Variants in PLXNA2 observed in about 807,000 individuals in gnomAD.
The protein encoded by PLXNA2 is plexin A2, also known as plexin-A2.
A neutral mutation model predicts 193.5 loss-of-function variants in PLXNA2; 91 were observed. The observed-to-expected ratio is 0.47, with a 90% CI of 0.40 to 0.56. The LOEUF (loss-of-function observed/expected upper bound fraction) is 0.56. PLXNA2 is among the 20% of genes least tolerant of loss of function. PLXNA2 has a pLI of 0.00. For synonymous variants in PLXNA2, 997 were observed against 1,027.3 expected (o/e 0.97, Z 0.56); for missense variants, 1,995 against 2,503.2 (o/e 0.80, Z 4.33).
chr1:208,075,235 C>T (rs1007470233), intron 12 of PLXNA2, among the ~76,000 whole-genome samples: 3 of 151,780 alleles, frequency 2.0e-5, no homozygotes, highest in Non-Finnish European at 2.9e-5. Flanking sequence ...CCCTTGAACC[C>T]GGAGGCGGGG....
chr1:208,099,665 G>C (rs915564351), intron 5 of PLXNA2, among the ~76,000 whole-genome samples: 3 of 152,018 alleles, frequency 2.0e-5, no homozygotes, highest in Admixed American at 2.0e-4. Context: ...CCACCTCCCG[G>C]GTTCAGGCAA....
chr1:208,118,466 C>T (rs1667705981), intron 4 of PLXNA2, among the ~76,000 whole-genome samples: 1 of 152,250 alleles, frequency 6.6e-6, no homozygotes, highest in South Asian at 2.1e-4. Flanking sequence ...GAAGATAAGG[C>T]TGCAGTCAGG....
At chr1:208,051,194 C>T in intron 16 of PLXNA2, 62 bp downstream of exon 16, 1 of 1,595,266 alleles carries the variant, frequency 6.3e-7, no homozygotes, top group South Asian at 1.1e-5. Flanking sequence ...ATGAGCCAGA[C>T]TTGGGCTGCA....
At position 208,033,487 on chromosome 1, in the gene PLXNA2, G is replaced by T. The variant is rs1336183954; in HGVS notation, c.4887C>A (p.Gly1629=). 2 of 1,611,742 alleles carry T rather than the reference G, an allele frequency of 1.2e-6. No individual in the cohort carries two copies. Among genetic ancestry groups the T allele is most frequent in the Non-Finnish European group, 1.7e-6 (2 of 1,178,626 alleles). Residue 1629 remains glycine, a synonymous_variant, in exon 28 of 32, where the codon GGC becomes GGA. Coordinates refer to ENST00000367033, the MANE Select transcript of PLXNA2 (RefSeq NM_025179.4). ...CCCGGGACCGCAGGCTGTCGGGGCT[G>T]CCCGTATACCTGAAGGAGGAGTCTG... ...SRYDSSFRYT[G]SPDSLRSRAP...
At chr1:208,081,451 G>A (rs1023201616) in intron 11 of PLXNA2, among the ~76,000 whole-genome samples, 1 of 152,202 alleles carries the variant, frequency 6.6e-6, no homozygotes, top group African/African-American at 2.4e-5. Context: ...TTGTGGCTGA[G>A]GGTAGGAGGA....
At chr1:208,178,288 C>T (rs547498884) in intron 3 of PLXNA2, among the ~76,000 whole-genome samples, 1 of 152,254 alleles carries the variant, frequency 6.6e-6, no homozygotes, top group East Asian at 1.9e-4. Context: ...CAGCCAGGTG[C>T]CTGTTCCCTA....
intron 12 of PLXNA2, among the ~76,000 whole-genome samples, chr1:208,064,900 G>GA (rs1290285609): frequency 6.6e-6 from 1 of 151,414 alleles, no homozygotes; most frequent in African/African-American, 2.4e-5. Flanking sequence ...AACACACACA[G>GA]AGACTGTGTC....
chr1:208,085,869 A>G (rs542007764), intron 9 of PLXNA2, among the ~76,000 whole-genome samples: 1 of 152,310 alleles, frequency 6.6e-6, no homozygotes, highest in East Asian at 1.9e-4. Flanking sequence ...TTTTCCGTCT[A>G]TTAGAAACAC....
rs140060253 is a variant in PLXNA2, at chr1:208,104,480, G to A, written c.1507-1233C>T. 1.2e-4 allele frequency among the ~76,000 whole-genome samples: 18 copies of A among 152,308 alleles called. No homozygotes were observed. In the East Asian group the frequency reaches 1.7e-3, roughly 15 times the overall value. On this transcript the variant is annotated intron_variant, in intron 4 of 31. Coordinates refer to ENST00000367033, the MANE Select transcript of PLXNA2 (RefSeq NM_025179.4). The stretch of plus-strand genomic sequence containing the variant: ...CTACATTGTGCTGAGTTTTTGTTGT[G>A]TGGGATTGCTGTGAGTGCTGAAGGT...
At chr1:208,211,082 C>A (rs1448814062) in intron 2 of PLXNA2, among the ~76,000 whole-genome samples, 1 of 152,174 alleles carries the variant, frequency 6.6e-6, no homozygotes, top group Non-Finnish European at 1.5e-5. Context: ...TCGAACAGTA[C>A]CTTATACTTT....
At chr1:208,186,708 A>ATTT (rs368056918) in intron 3 of PLXNA2, among the ~76,000 whole-genome samples, 6 of 111,694 alleles carry the variant, frequency 5.4e-5, no homozygotes, top group Admixed American at 2.0e-4. Context: ...TTGCAATGTT[A>ATTT]TTTTATTTTT....
At position 208,052,229 on chromosome 1, in the gene PLXNA2, G is replaced by T. The variant is rs953761916; in HGVS notation, c.2993+98C>A. On this transcript the variant is annotated intron_variant, in intron 15 of 31. Coordinates refer to ENST00000367033, the MANE Select transcript of PLXNA2 (RefSeq NM_025179.4). Reference sequence around the variant, plus strand: ...TCTAGGTGTAGCAAATAACATGGAGGTGATGGGGCAGGCCTATGAATGAAC... The same window carrying T: ...TCTAGGTGTAGCAAATAACATGGAGTTGATGGGGCAGGCCTATGAATGAAC... 9 of 1,220,588 alleles carry T rather than the reference G, an allele frequency of 7.4e-6. No individual in the cohort carries two copies. The South Asian group carries it at 9.6e-5, about 13-fold the overall frequency. The allele number at this position is 1,220,588 out of a possible 1,614,324, so 75.6% of individuals were successfully genotyped here.
At chr1:208,203,980 C>T (rs1192991291) in intron 3 of PLXNA2, among the ~76,000 whole-genome samples, 1 of 152,178 alleles carries the variant, frequency 6.6e-6, no homozygotes, top group African/African-American at 2.4e-5. Context: ...GTTTTCCTGG[C>T]TTTGCTTAGT....
At chr1:208,100,473 T>C (rs542985089) in intron 5 of PLXNA2, among the ~76,000 whole-genome samples, 3 of 152,130 alleles carry the variant, frequency 2.0e-5, no homozygotes, top group African/African-American at 7.2e-5. Flanking sequence ...ATGACAGTGT[T>C]AGCCCTTATA....
At chr1:208,144,438 G>C (rs560531163) in intron 3 of PLXNA2, among the ~76,000 whole-genome samples, 2 of 152,168 alleles carry the variant, frequency 1.3e-5, no homozygotes, top group African/African-American at 4.8e-5. Context: ...GGATGGACTC[G>C]ATGTACATGG....
chr1:208,088,151 A>T (rs1203559807), intron 9 of PLXNA2, among the ~76,000 whole-genome samples: 1 of 152,166 alleles, frequency 6.6e-6, no homozygotes, highest in Non-Finnish European at 1.5e-5. Context: ...CAGCAATCTT[A>T]GTTTAAACCA....
Position 208,052,394 on chromosome 1 carries a change from C to T in PLXNA2, c.2926G>A (p.Gly976Ser), listed in dbSNP as rs764102147. 5 of 1,613,860 alleles carry T rather than the reference C, an allele frequency of 3.1e-6. No individual in the cohort carries two copies. Among genetic ancestry groups the T allele is most frequent in the Admixed American group, 1.7e-5 (1 of 60,006 alleles). The change falls in exon 15 of 32, where the codon GGC becomes AGC. Residue 976 changes from glycine to serine, a missense_variant. Coordinates refer to ENST00000367033, the MANE Select transcript of PLXNA2 (RefSeq NM_025179.4). ...ESGGTMVTIT[G>S]HYLGAGSSVA... ...CTGCTCCCAGCCCCAAGGTAATGGC[C>T]GGTAATGGTCACCATAGTGCCTCCT...
intron 11 of PLXNA2, among the ~76,000 whole-genome samples, chr1:208,080,216 AG>A (rs1404413229): frequency 6.6e-6 from 1 of 152,178 alleles, no homozygotes; most frequent in Non-Finnish European, 1.5e-5. Flanking sequence ...ATTAAAAAAA[AG>A]GGGGTGACAC....
intron 14 of PLXNA2, 77 bp downstream of exon 14, chr1:208,054,344 G>A: frequency 1.0e-6 from 1 of 966,512 alleles, no homozygotes; most frequent in South Asian, 1.4e-5. Flanking sequence ...AGGGGAGTGG[G>A]GGCTTCCTGG....
Sources: gnomAD v4.1 joint callset for allele counts (sites outside exome capture counted in the v4.1 genomes callset) on GRCh38, gnomAD v4.1.1 for gene constraint, MANE v1.5 for transcripts, NCBI Gene and HGNC (gene_info 2026-07-23, HGNC 2026-07-21) for gene names.